MBD5: variants seen among roughly 807,000 people sequenced by gnomAD.
MBD5 encodes methyl-CpG binding domain protein 5.
In MBD5, 13 loss-of-function variants were observed where a neutral mutation model predicts 117.3. The observed-to-expected ratio is 0.11, with a 90% CI of 0.07 to 0.18. The LOEUF (loss-of-function observed/expected upper bound fraction) is 0.18. Ranked by LOEUF, MBD5 falls within the 10% of genes least tolerant of loss-of-function variation. The pLI is 1.00. For missense variants in MBD5, 1,879 were observed against 2,093.8 expected (o/e 0.90, Z 2.00); for synonymous variants, 727 against 766.4 (o/e 0.95, Z 0.85).
At chr2:148,419,560 G>A (rs1411545412) in intron 4 of MBD5, among the ~76,000 whole-genome samples, 1 of 152,000 alleles carries the variant, frequency 6.6e-6, no homozygotes, top group Non-Finnish European at 1.5e-5. Context: ...AGTTTAAAAT[G>A]CCACCAGTGT....
chr2:148,199,968 T>C (rs1699096674), intron 2 of MBD5, among the ~76,000 whole-genome samples: 1 of 152,174 alleles, frequency 6.6e-6, no homozygotes. Context: ...TCCAAAATAA[T>C]CATCTTAGGA....
Position 148,513,672 on chromosome 2 carries a change from G to T in MBD5, c.*731G>T, listed in dbSNP as rs1682280225. The T allele has an allele frequency of 6.6e-6, 1 of 152,016 alleles. No homozygotes were observed. Among genetic ancestry groups the T allele is most frequent in the Admixed American group, 6.5e-5 (1 of 15,270 alleles). The allele number at this position is 152,016 out of a possible 1,614,324, so 9.4% of individuals were successfully genotyped here. On this transcript the variant is annotated 3_prime_UTR_variant, in exon 14 of 14. Coordinates refer to ENST00000642680, the MANE Select transcript of MBD5 (RefSeq NM_001378120.1). ...ATTTCTAAAGGGATGAGGGCTCACA[G>T]GTCTAAATTAAGAATTCAGAAACTG...
At chr2:148,204,890 T>A (rs1270226286) in intron 2 of MBD5, among the ~76,000 whole-genome samples, 1 of 151,932 alleles carries the variant, frequency 6.6e-6, no homozygotes, top group Admixed American at 6.6e-5. Flanking sequence ...TTGAAAGGAT[T>A]TAACTGTAAA....
intron 1 of MBD5, among the ~76,000 whole-genome samples, chr2:148,173,980 C>CAAAGCAATCA (rs1698323741): frequency 6.6e-6 from 1 of 151,918 alleles, no homozygotes; most frequent in Non-Finnish European, 1.5e-5. Flanking sequence ...CTTGCATAGC[C>CAAAGCAATCA]AAAGCAATCA....
chr2:148,247,399 A>G (rs759708195), intron 3 of MBD5, among the ~76,000 whole-genome samples: 8 of 152,190 alleles, frequency 5.3e-5, no homozygotes, highest in Non-Finnish European at 1.2e-4. Context: ...TTTTTTTCAC[A>G]TCAAATAACC....
chr2:148,159,379 A>C (rs908349497), intron 1 of MBD5, among the ~76,000 whole-genome samples: 5 of 152,096 alleles, frequency 3.3e-5, no homozygotes, highest in African/African-American at 1.2e-4. Flanking sequence ...GTGCAGTGGT[A>C]CGATTGGCTC....
At chr2:148,302,973 T>TTATTATATA (rs1332842685) in intron 3 of MBD5, among the ~76,000 whole-genome samples, 2 of 148,922 alleles carry the variant, frequency 1.3e-5, no homozygotes, top group African/African-American at 4.9e-5. Flanking sequence ...ATGTTATACA[T>TTATTATATA]TATTATATAT....
intron 1 of MBD5, among the ~76,000 whole-genome samples, chr2:148,129,623 G>A (rs959225258): frequency 2.0e-5 from 3 of 152,136 alleles, no homozygotes; most frequent in Admixed American, 6.6e-5. Context: ...GTGCCACTAA[G>A]CATTAAAACA....
chr2:148,263,277 T>A (rs1023238690), intron 3 of MBD5, among the ~76,000 whole-genome samples: 1 of 152,174 alleles, frequency 6.6e-6, no homozygotes, highest in Non-Finnish European at 1.5e-5. Context: ...TTGCTAAGCA[T>A]GTTTAAATAC....
chr2:148,160,927 A>C (rs1230032089), intron 1 of MBD5, among the ~76,000 whole-genome samples: 2 of 152,162 alleles, frequency 1.3e-5, no homozygotes, highest in Non-Finnish European at 2.9e-5. Flanking sequence ...GAGTACCTAA[A>C]CTTGCTTTGC....
chr2:148,261,426 T>C (rs530240314), intron 3 of MBD5, among the ~76,000 whole-genome samples: 1 of 152,340 alleles, frequency 6.6e-6, no homozygotes, highest in East Asian at 1.9e-4. Context: ...CACTTCGCAC[T>C]TTTGTGGAGA....
intron 2 of MBD5, among the ~76,000 whole-genome samples, chr2:148,179,126 G>A (rs1244220421): frequency 6.6e-6 from 1 of 152,036 alleles, no homozygotes; most frequent in Non-Finnish European, 1.5e-5. Flanking sequence ...AGGCCGAGGC[G>A]GGCGGATCAC....
At chr2:148,206,743 A>G (rs552081491) in intron 2 of MBD5, among the ~76,000 whole-genome samples, 121 of 152,356 alleles carry the variant, frequency 7.9e-4, no homozygotes, top group African/African-American at 2.9e-3. Flanking sequence ...ATGAAAAGCC[A>G]GATAAAGGTA....
At chr2:148,033,117 G>C (rs1210660157) in intron 1 of MBD5, among the ~76,000 whole-genome samples, 1 of 152,140 alleles carries the variant, frequency 6.6e-6, no homozygotes, top group African/African-American at 2.4e-5. Context: ...ATAATGTCGA[G>C]CAAACCAAGG....
chr2:148,326,722 A>G (rs1430303634), intron 3 of MBD5, among the ~76,000 whole-genome samples: 87 of 151,936 alleles, frequency 5.7e-4, no homozygotes, highest in Non-Finnish European at 9.0e-4. Flanking sequence ...TTTTGAGCCT[A>G]TGTGTGTCTC....
intron 1 of MBD5, among the ~76,000 whole-genome samples, chr2:148,103,785 C>T (rs1322265459): frequency 6.6e-5 from 10 of 151,928 alleles, no homozygotes; most frequent in Non-Finnish European, 1.5e-4. Context: ...AGTTTTATTT[C>T]AAATTAAATA....
At chr2:148,477,122 G>A (rs931118264) in intron 8 of MBD5, among the ~76,000 whole-genome samples, 1 of 151,948 alleles carries the variant, frequency 6.6e-6, no homozygotes, top group Non-Finnish European at 1.5e-5. Context: ...ATTATGGGGA[G>A]GGGGGAAGAA....
chr2:148,274,848 A>C (rs1407776767), intron 3 of MBD5, among the ~76,000 whole-genome samples: 1 of 151,510 alleles, frequency 6.6e-6, no homozygotes, highest in Non-Finnish European at 1.5e-5. Context: ...TCAGCCTCTC[A>C]AGTAGCTGGG....
intron 4 of MBD5, among the ~76,000 whole-genome samples, chr2:148,345,644 CGTATACAT>C (rs1559033507): frequency 1.1e-5 from 1 of 90,434 alleles, no homozygotes; most frequent in Non-Finnish European, 2.5e-5. Flanking sequence ...TGTATATACA[CGTATACAT>C]ATACATATGT....
Sources: allele counts gnomAD v4.1 joint callset (sites outside exome capture counted in the v4.1 genomes callset), GRCh38; gene constraint gnomAD v4.1.1; transcripts MANE v1.5; gene names NCBI Gene and HGNC (gene_info 2026-07-23, HGNC 2026-07-21).